Variants in SCRG1 observed in about 807,000 individuals in gnomAD.
The protein encoded by SCRG1 is scrapie-responsive protein 1.
Under a neutral mutation model 7.7 loss-of-function variants are expected in SCRG1, and 3 were observed. That is an observed-to-expected ratio of 0.39 (90% CI 0.18 to 1.01). The LOEUF is 1.01. Ranked by LOEUF, SCRG1 falls within the 50% of genes least tolerant of loss-of-function variation. The pLI, the probability that SCRG1 is intolerant of heterozygous loss-of-function variation, is 0.36. For missense variants in SCRG1, 110 were observed against 117.2 expected (o/e 0.94, Z 0.28); for synonymous variants, 46 against 41.2 (o/e 1.12, Z -0.44).
upstream of SCRG1, among the ~76,000 whole-genome samples, chr4:173,406,614 T>C (rs1465385785): frequency 6.6e-6 from 1 of 152,086 alleles, no homozygotes; most frequent in Non-Finnish European, 1.5e-5. Flanking sequence ...TCTCCTGTGG[T>C]TTACCTATTC....
At chr4:173,407,735 C>T (rs534759740), upstream of SCRG1, among the ~76,000 whole-genome samples, 1 of 152,236 alleles carries the variant, frequency 6.6e-6, no homozygotes, top group Non-Finnish European at 1.5e-5. Flanking sequence ...CATTCAGAAT[C>T]AGACACCATT....
the SCRG1 span, among the ~76,000 whole-genome samples, chr4:173,448,772 G>A: frequency 1.3e-5 from 2 of 152,116 alleles, no homozygotes; most frequent in Non-Finnish European, 2.9e-5. Context: ...GTTGTGCCAG[G>A]CATCTTTTTA....
At chr4:173,413,953 A>G in the SCRG1 span, among the ~76,000 whole-genome samples, 1 of 152,176 alleles carries the variant, frequency 6.6e-6, no homozygotes, top group Non-Finnish European at 1.5e-5. Context: ...CCTGATTATG[A>G]ATTTGGTCTC....
Position 173,394,002 on chromosome 4 carries a change from T to A in SCRG1, c.-14-2574A>T, listed in dbSNP as rs1403661129. On this transcript the variant is annotated intron_variant, in intron 1 of 2. Coordinates refer to ENST00000296506, the MANE Select transcript of SCRG1 (RefSeq NM_007281.4). ...TTTCTTTACTTTCAGCTTGTGTGTG[T>A]CCTTAAATGTTAAGTAAGTCATTTG... Among the ~76,000 whole-genome samples, 6 of 152,274 alleles carry A rather than the reference T, an allele frequency of 3.9e-5. No individual in the cohort carries two copies. The East Asian group carries it at 1.2e-3, about 29-fold the overall frequency.
the SCRG1 span, among the ~76,000 whole-genome samples, chr4:173,501,866 T>C: frequency 1.3e-5 from 2 of 152,168 alleles, no homozygotes; most frequent in Admixed American, 6.5e-5. This position sits in a 1 kb window ranked among gnomAD's most constrained non-coding sequence, Gnocchi z 5.1. Context: ...CAATTATTCT[T>C]AAACAATTGC....
chr4:173,458,914 GA>G, the SCRG1 span, among the ~76,000 whole-genome samples: 8 of 152,062 alleles, frequency 5.3e-5, no homozygotes, highest in African/African-American at 1.9e-4. Flanking sequence ...TGAACGGATG[GA>G]AAAGATTCTG....
At chr4:173,406,138 C>G (rs759805995) in intron 1 of SCRG1, 1 of 152,230 alleles carries the variant, frequency 6.6e-6, no homozygotes, top group African/African-American at 2.4e-5. Flanking sequence ...TGAGCTTCCT[C>G]CTCTTGCTCA....
the SCRG1 span, among the ~76,000 whole-genome samples, chr4:173,494,484 G>C: frequency 6.6e-6 from 1 of 152,208 alleles, no homozygotes; most frequent in African/African-American, 2.4e-5. Flanking sequence ...CCAACACGGG[G>C]TGCGCTCTTC....
chr4:173,462,691 CTCTTA>C, the SCRG1 span, among the ~76,000 whole-genome samples: 7 of 152,226 alleles, frequency 4.6e-5, no homozygotes, highest in Admixed American at 6.5e-5. Flanking sequence ...GTGTAAGCTA[CTCTTA>C]TCTTAAGTAG....
chr4:173,438,888 C>A, the SCRG1 span, among the ~76,000 whole-genome samples: 89 of 152,078 alleles, frequency 5.9e-4, no homozygotes, highest in Non-Finnish European at 1.1e-3. Context: ...AAAACAGAGA[C>A]CGTGTTGGCT....
the SCRG1 span, among the ~76,000 whole-genome samples, chr4:173,516,505 G>T: frequency 3.9e-5 from 6 of 152,308 alleles, no homozygotes; most frequent in East Asian, 1.9e-4. Flanking sequence ...AGGCAAGCAG[G>T]TCGCTCTCGT....
chr4:173,450,060 T>C, the SCRG1 span, among the ~76,000 whole-genome samples: 2 of 152,088 alleles, frequency 1.3e-5, no homozygotes, highest in African/African-American at 4.8e-5. Context: ...AGGAAAGAGG[T>C]TTAATTGACT....
At chr4:173,509,888 G>A in the SCRG1 span, among the ~76,000 whole-genome samples, 1 of 152,216 alleles carries the variant, frequency 6.6e-6, no homozygotes, top group African/African-American at 2.4e-5. The surrounding 1 kb of genome is among the most constrained non-coding windows in gnomAD (Gnocchi z 5.7). Flanking sequence ...CATGCCTGTT[G>A]ACTCGGGCCC....
chr4:173,476,067 T>C, the SCRG1 span, among the ~76,000 whole-genome samples: 1 of 151,866 alleles, frequency 6.6e-6, no homozygotes, highest in East Asian at 1.9e-4. Flanking sequence ...CATTTTAAAA[T>C]GGTTAAAATG....
At chr4:173,483,270 GATATATAAT>G in the SCRG1 span, among the ~76,000 whole-genome samples, 8 of 33,386 alleles carry the variant, frequency 2.4e-4, 1 homozygote, top group Non-Finnish European at 3.9e-4. Context: ...TATCATATAT[GATATATAAT>G]ATATGATATA....
the SCRG1 span, among the ~76,000 whole-genome samples, chr4:173,416,703 C>A: frequency 5.3e-5 from 8 of 152,142 alleles, no homozygotes; most frequent in African/African-American, 1.4e-4. Context: ...CTGGGGCTAT[C>A]CCCCGGCTCC....
chr4:173,505,504 T>C, the SCRG1 span, among the ~76,000 whole-genome samples: 3 of 152,146 alleles, frequency 2.0e-5, no homozygotes, highest in African/African-American at 2.4e-5. This position sits in a 1 kb window ranked among gnomAD's most constrained non-coding sequence, Gnocchi z 4.4. Flanking sequence ...GGAGAGTAGC[T>C]AGACAGCGGA....
chr4:173,390,381 T>C (rs1484531773), intron 2 of SCRG1, among the ~76,000 whole-genome samples: 1 of 152,168 alleles, frequency 6.6e-6, no homozygotes, highest in East Asian at 1.9e-4. Flanking sequence ...AACTTATACA[T>C]AGAGCTAGAA....
the SCRG1 span, among the ~76,000 whole-genome samples, chr4:173,418,864 GCTTCCCCTTCACCTTCTGCCATGGTT>G: frequency 2.6e-5 from 4 of 152,100 alleles, no homozygotes; most frequent in Non-Finnish European, 5.9e-5. Context: ...AGACATGCCT[GCTTCCCCTTCACCTTCTGCCATGGTT>G]GTAAGTTTCC....
Sources: allele counts gnomAD v4.1 joint callset (sites outside exome capture counted in the v4.1 genomes callset), GRCh38; gene constraint gnomAD v4.1.1; non-coding constraint Gnocchi (gnomAD v3.1); transcripts MANE v1.5; gene names NCBI Gene and HGNC (gene_info 2026-07-23, HGNC 2026-07-21).